AOPEP: variants seen among roughly 807,000 people sequenced by gnomAD.
AOPEP encodes aminopeptidase O (putative), also known as aminopeptidase O.
In AOPEP, 77 loss-of-function variants were observed where a neutral mutation model predicts 98.1. The observed-to-expected ratio is 0.78, with a 90% confidence interval of 0.65 to 0.95. The LOEUF is 0.95. Ranked by LOEUF, AOPEP falls within the 40% of genes least tolerant of loss-of-function variation. The pLI is 0.00. For missense variants in AOPEP, 1,024 were observed against 1,024.7 expected, an observed-to-expected ratio of 1.00 and a Z score of 0.01; for synonymous variants, 346 against 365.3, an observed-to-expected ratio of 0.95 and a Z score of 0.60.
chr9:94,919,605 G>A (rs1166293094), intron 5 of AOPEP, among the ~76,000 whole-genome samples: 2 of 151,964 alleles, frequency 1.3e-5, no homozygotes, highest in East Asian at 1.9e-4. Context: ...ATGTGTAGGC[G>A]AGAGTGTTGA....
rs761327668 is a variant in AOPEP, at chr9:94,759,925, G to A, written c.142G>A (p.Glu48Lys). 1.5e-5 allele frequency: 24 copies of A among 1,613,958 alleles called. No homozygotes were observed. Among genetic ancestry groups the A allele is most frequent in the East Asian group, 2.2e-5 (1 of 44,884 alleles). ...TGAGGGGACCATAGTGCTTTTCCTC[G>A]AGGATGGAAACAGATTCAAGAAACA... Reference protein sequence around the residue: ...VIEGTIVLFLEDGNRFKKQNS... With the variant: ...VIEGTIVLFLKDGNRFKKQNS... Residue 48 changes from glutamate to lysine, a missense_variant, in exon 2 of 17, where the codon GAG becomes AAG. Physicochemically the swap from Glu to Lys is moderately conservative, Grantham distance 56. Transcript: ENST00000375315.
At chr9:95,012,917 TTTG>T (rs947623696) in intron 13 of AOPEP, among the ~76,000 whole-genome samples, 18 of 150,452 alleles carry the variant, frequency 1.2e-4, no homozygotes, top group African/African-American at 4.4e-4. Flanking sequence ...TTTTATTTAT[TTTG>T]TTTTTTTTTT....
chr9:94,931,047 A>G (rs574744393), intron 7 of AOPEP, among the ~76,000 whole-genome samples: 3 of 152,126 alleles, frequency 2.0e-5, no homozygotes, highest in African/African-American at 7.2e-5. Context: ...GTTTTGCATA[A>G]CCATAGTCCT....
intron 13 of AOPEP, among the ~76,000 whole-genome samples, chr9:95,016,372 T>C (rs2062998388): frequency 6.6e-6 from 1 of 151,272 alleles, no homozygotes; most frequent in Admixed American, 6.6e-5. Flanking sequence ...GCCTCCTGAG[T>C]AGCTGAGATT....
At chr9:94,932,974 G>A (rs2055613591) in intron 7 of AOPEP, 1 of 985,394 alleles carries the variant, frequency 1.0e-6, no homozygotes, top group South Asian at 4.7e-5. Flanking sequence ...CAAAATGTTA[G>A]GGGTCACATG....
chr9:95,014,541 C>G (rs1250547314), intron 13 of AOPEP, among the ~76,000 whole-genome samples: 1 of 152,004 alleles, frequency 6.6e-6, no homozygotes, highest in Non-Finnish European at 1.5e-5. Flanking sequence ...AGTTGATGTT[C>G]TGTCTGTGAA....
At chr9:94,778,897 T>G (rs1031274869) in intron 3 of AOPEP, among the ~76,000 whole-genome samples, 5 of 152,094 alleles carry the variant, frequency 3.3e-5, no homozygotes, top group East Asian at 3.9e-4. Context: ...GGCGTGGTGG[T>G]ACACGGCTGT....
chr9:95,045,412 G>A (rs530675596), intron 13 of AOPEP, among the ~76,000 whole-genome samples: 1 of 152,358 alleles, frequency 6.6e-6, no homozygotes, highest in East Asian at 1.9e-4. Flanking sequence ...GGTCCAGCGC[G>A]ACTTGCTTTT....
intron 5 of AOPEP, among the ~76,000 whole-genome samples, chr9:94,817,301 G>A (rs1277911394): frequency 6.6e-6 from 1 of 152,190 alleles, no homozygotes; most frequent in Non-Finnish European, 1.5e-5. Context: ...CACCACACCT[G>A]GCCCTTGTAC....
chr9:94,889,637 G>A (rs2048642360), intron 5 of AOPEP, among the ~76,000 whole-genome samples: 2 of 152,268 alleles, frequency 1.3e-5, no homozygotes, highest in South Asian at 4.1e-4. Context: ...ACAGGTGTGA[G>A]CCACCGCACC....
chr9:94,867,042 G>T (rs1393438421), intron 5 of AOPEP, among the ~76,000 whole-genome samples: 3 of 152,192 alleles, frequency 2.0e-5, no homozygotes, highest in South Asian at 2.1e-4. Context: ...TCATTGCAGT[G>T]AAGATGAGCT....
At chr9:95,079,865 A>G (rs1377217000) in intron 14 of AOPEP, among the ~76,000 whole-genome samples, 5 of 152,222 alleles carry the variant, frequency 3.3e-5, no homozygotes, top group African/African-American at 9.6e-5. Context: ...AGCAGGAACT[A>G]TCCACTTCAG....
intron 3 of AOPEP, among the ~76,000 whole-genome samples, chr9:94,787,965 GTCC>G (rs1844801831): frequency 6.6e-6 from 1 of 152,024 alleles, no homozygotes; most frequent in African/African-American, 2.4e-5. Context: ...TAATTTAGCT[GTCC>G]TCCTCCCTCC....
intron 13 of AOPEP, among the ~76,000 whole-genome samples, chr9:95,032,496 G>A (rs561784481): frequency 1.6e-4 from 25 of 152,358 alleles, no homozygotes; most frequent in African/African-American, 5.0e-4. Context: ...ATGTGAAAAC[G>A]TTCTCCTCTG....
intron 8 of AOPEP, among the ~76,000 whole-genome samples, chr9:94,955,595 G>T (rs1007669905): frequency 6.6e-6 from 1 of 152,152 alleles, no homozygotes; most frequent in African/African-American, 2.4e-5. Context: ...GTTTTCTGTC[G>T]TGAAGGCCTT....
intron 16 of AOPEP, 193 bp downstream of exon 16, chr9:95,082,912 A>G (rs2070011780): frequency 1.7e-6 from 1 of 594,324 alleles, no homozygotes. Context: ...TCCCTGGAGC[A>G]CCTTGCCTGG....
intron 5 of AOPEP, among the ~76,000 whole-genome samples, chr9:94,849,372 T>A (rs79830098): frequency 2.0e-5 from 3 of 152,184 alleles, no homozygotes; most frequent in Admixed American, 6.5e-5. Context: ...GAAGGCTCAA[T>A]AAATATTCAT....
intron 5 of AOPEP, among the ~76,000 whole-genome samples, chr9:94,917,307 G>T (rs2077179171): frequency 6.6e-6 from 1 of 152,206 alleles, no homozygotes; most frequent in African/African-American, 2.4e-5. Flanking sequence ...TAGACTCAAG[G>T]TGGTCTCCAT....
At chr9:94,829,156 A>G (rs1186701846) in intron 5 of AOPEP, among the ~76,000 whole-genome samples, 2 of 152,096 alleles carry the variant, frequency 1.3e-5, no homozygotes, top group South Asian at 2.1e-4. Flanking sequence ...GGCATGAGCC[A>G]CTGTGCCTGG....
Sources: gnomAD v4.1 joint callset for allele counts (sites outside exome capture counted in the v4.1 genomes callset) on GRCh38, gnomAD v4.1.1 for gene constraint, MANE v1.5 for transcripts, NCBI Gene and HGNC (gene_info 2026-07-23, HGNC 2026-07-21) for gene names.